PLEKHF2: variants seen among roughly 807,000 people sequenced by gnomAD.
PLEKHF2 encodes the protein pleckstrin homology domain-containing family F member 2.
PLEKHF2 carries 4 observed loss-of-function variants against 14.7 expected under a neutral mutation model. The observed-to-expected ratio is 0.27, with a 90% CI of 0.13 to 0.62. The LOEUF is 0.62. Ranked by LOEUF, PLEKHF2 falls within the 20% of genes least tolerant of loss-of-function variation. The probability of loss-of-function intolerance (pLI) is 0.85; values close to 1 mark genes in which losing one functional copy is unlikely to be tolerated. For missense variants in PLEKHF2, 201 were observed against 307.7 expected, an observed-to-expected ratio of 0.65 and a Z score of 2.60; for synonymous variants, 90 against 103.5, an observed-to-expected ratio of 0.87 and a Z score of 0.79.
intron 1 of PLEKHF2, among the ~76,000 whole-genome samples, chr8:95,153,766 T>C (rs1810586266): frequency 6.6e-6 from 1 of 152,206 alleles, no homozygotes; most frequent in African/African-American, 2.4e-5. Context: ...CATTCAATTA[T>C]GTCTGTAGGA....
chr8:95,137,437 C>T (rs1452056647), intron 1 of PLEKHF2, among the ~76,000 whole-genome samples: 5 of 152,226 alleles, frequency 3.3e-5, no homozygotes, highest in Non-Finnish European at 1.5e-5. Context: ...CTGGATCCCA[C>T]CCCAGGACAA....
In PLEKHF2 at chr8:95,147,525, A is replaced by G. The variant is rs73264565; in HGVS notation, c.-14-6506A>G. ...ACTCATTCTAGTGTGCAGTTACCATATGGTTTCATTGGGCATTTATAAATC... is the reference window on the plus strand; with the variant it reads ...ACTCATTCTAGTGTGCAGTTACCATGTGGTTTCATTGGGCATTTATAAATC... On this transcript the variant is annotated intron_variant, in intron 1 of 1. Coordinates refer to ENST00000315367, the MANE Select transcript of PLEKHF2 (RefSeq NM_024613.4). Among the ~76,000 whole-genome samples the G allele has an allele frequency of 1.9e-3, 295 of 152,084 alleles. 2 individuals carry two copies. Among genetic ancestry groups the G allele is most frequent in the African/African-American group, 6.7e-3 (279 of 41,538 alleles).
intron 1 of PLEKHF2, among the ~76,000 whole-genome samples, chr8:95,144,862 C>G (rs1031419686): frequency 8.2e-6 from 1 of 122,484 alleles, no homozygotes; most frequent in African/African-American, 3.1e-5. Flanking sequence ...AAAACTCTGT[C>G]TCAAGAAAAA....
At chr8:95,150,575 C>G (rs554790313) in intron 1 of PLEKHF2, among the ~76,000 whole-genome samples, 25 of 152,240 alleles carry the variant, frequency 1.6e-4, no homozygotes, top group African/African-American at 6.0e-4. Flanking sequence ...CCAAACCTTG[C>G]TTAAGTTGCA....
At chr8:95,138,217 T>C (rs374043016) in intron 1 of PLEKHF2, among the ~76,000 whole-genome samples, 175 of 152,296 alleles carry the variant, frequency 1.1e-3, no homozygotes, top group African/African-American at 3.9e-3. Context: ...ATTTTCTCTG[T>C]TGCTTTTTCA....
At chr8:95,134,212 G>T (rs1355294095) in intron 1 of PLEKHF2, 182 bp downstream of exon 1, 1 of 149,538 alleles carries the variant, frequency 6.7e-6, no homozygotes, top group African/African-American at 2.4e-5. Flanking sequence ...GCTCCCGGCC[G>T]CTCCCCTCGC....
chr8:95,139,132 T>A (rs980549403), intron 1 of PLEKHF2, among the ~76,000 whole-genome samples: 2 of 152,254 alleles, frequency 1.3e-5, no homozygotes, highest in East Asian at 3.8e-4. Context: ...TTCATTTTTT[T>A]AAAATTGACA....
At chr8:95,149,586 T>G (rs1372336309) in intron 1 of PLEKHF2, among the ~76,000 whole-genome samples, 1 of 152,188 alleles carries the variant, frequency 6.6e-6, no homozygotes, top group African/African-American at 2.4e-5. Context: ...CAAGATGAAA[T>G]GGATACTGTC....
At chr8:95,134,654 G>A (rs1034339415) in intron 1 of PLEKHF2, among the ~76,000 whole-genome samples, 4 of 152,198 alleles carry the variant, frequency 2.6e-5, no homozygotes, top group Non-Finnish European at 5.9e-5. Context: ...TTTTAAAAAT[G>A]TGATTGAAGG....
At chr8:95,147,711 A>G (rs1426531899) in intron 1 of PLEKHF2, among the ~76,000 whole-genome samples, 1 of 152,054 alleles carries the variant, frequency 6.6e-6, no homozygotes, top group Non-Finnish European at 1.5e-5. Context: ...AAGAAGGATG[A>G]TGCAATGGTG....
At chr8:95,145,307 C>CTG (rs1461321922) in intron 1 of PLEKHF2, among the ~76,000 whole-genome samples, 2 of 152,172 alleles carry the variant, frequency 1.3e-5, no homozygotes, top group African/African-American at 4.8e-5. Flanking sequence ...ACAACACATA[C>CTG]TGTGTAATCG....
chr8:95,137,214 C>A (rs1014995823), intron 1 of PLEKHF2, among the ~76,000 whole-genome samples: 2 of 152,168 alleles, frequency 1.3e-5, no homozygotes, highest in African/African-American at 4.8e-5. Flanking sequence ...TCAGTGTTAG[C>A]GTGAGGGTCA....
intron 1 of PLEKHF2, among the ~76,000 whole-genome samples, chr8:95,134,603 C>G (rs1351942825): frequency 6.6e-6 from 1 of 152,162 alleles, no homozygotes; most frequent in East Asian, 1.9e-4. Context: ...TTATTTGGAG[C>G]CTTTTCAAGT....
Position 95,154,845 on chromosome 8 carries a change from T to C in PLEKHF2, c.*51T>C, listed in dbSNP as rs1563884964. The C allele has an allele frequency of 1.9e-6, 3 of 1,579,552 alleles. No individual in the cohort carries two copies. The highest frequency in any genetic ancestry group is 2.3e-5 in the South Asian group (2 of 87,382). ...GGTGTGGCTATCTGAGAAATCAACT[T>C]TGGGGGAAATGTAAGATTCTGAGCT... On this transcript the variant is annotated 3_prime_UTR_variant, in exon 2 of 2. Coordinates refer to ENST00000315367, the MANE Select transcript of PLEKHF2 (RefSeq NM_024613.4). This position sits in a 1 kb window ranked among gnomAD's most constrained non-coding sequence, Gnocchi z 5.6.
In PLEKHF2 at chr8:95,154,674, G is replaced by C; in HGVS notation, c.630G>C (p.Leu210=). Residue 210 remains leucine, a synonymous_variant, in exon 2 of 2, where the codon CTG becomes CTC. Transcript: ENST00000315367. The surrounding 1 kb of genome is among the most constrained non-coding windows in gnomAD (Gnocchi z 5.6). ...GGATTTGTGACTTCTGCTATGACCTGCTTTCTGCTGGGGACATGGCCACAT... is the reference window on the plus strand; with the variant it reads ...GGATTTGTGACTTCTGCTATGACCTCCTTTCTGCTGGGGACATGGCCACAT... ...PVRICDFCYD[L]LSAGDMATCQ... The C allele has an allele frequency of 6.2e-7, 1 of 1,614,126 alleles. No individual in the cohort carries two copies. The highest frequency in any genetic ancestry group is 8.5e-7 in the Non-Finnish European group (1 of 1,180,000).
chr8:95,136,075 TC>T (rs1373781220), intron 1 of PLEKHF2, among the ~76,000 whole-genome samples: 4 of 152,190 alleles, frequency 2.6e-5, no homozygotes, highest in Non-Finnish European at 5.9e-5. Flanking sequence ...ATAGATTCTG[TC>T]ATGACATCTC....
intron 1 of PLEKHF2, among the ~76,000 whole-genome samples, chr8:95,146,739 T>C (rs529363468): frequency 4.5e-4 from 68 of 152,140 alleles, no homozygotes; most frequent in African/African-American, 1.6e-3. Context: ...ATAAAAGATA[T>C]GCTTCTGCTC....
At chr8:95,153,890 A>T in intron 1 of PLEKHF2, 141 bp from the exon 2 acceptor site, 1 of 552,250 alleles carries the variant, frequency 1.8e-6, no homozygotes, top group South Asian at 4.8e-5. Flanking sequence ...TGATGTGCTT[A>T]GTGATTATCT....
intron 1 of PLEKHF2, among the ~76,000 whole-genome samples, chr8:95,144,504 G>C (rs118033049): frequency 6.6e-6 from 1 of 151,762 alleles, no homozygotes; most frequent in Non-Finnish European, 1.5e-5. Context: ...CATAATATAG[G>C]TCCATATGCA....
Sources: gnomAD v4.1 joint callset for allele counts (sites outside exome capture counted in the v4.1 genomes callset) on GRCh38, gnomAD v4.1.1 for gene constraint, Gnocchi (gnomAD v3.1) non-coding constraint, MANE v1.5 for transcripts, NCBI Gene and HGNC (gene_info 2026-07-23, HGNC 2026-07-21) for gene names.